Variants in KSR2 observed in about 807,000 individuals in gnomAD.
KSR2 encodes the protein kinase suppressor of ras 2.
In KSR2, 25 loss-of-function variants were observed where a neutral mutation model predicts 107.8. That is an observed-to-expected ratio of 0.23 (90% CI 0.17 to 0.32). The LOEUF (loss-of-function observed/expected upper bound fraction) is 0.32, where lower values mean the gene tolerates loss of function less well. Ranked by LOEUF, KSR2 falls within the 10% of genes least tolerant of loss-of-function variation. The pLI, the probability that KSR2 is intolerant of heterozygous loss-of-function variation, is 1.00. For synonymous variants in KSR2, 480 were observed against 507.0 expected, an observed-to-expected ratio of 0.95 and a Z score of 0.71; for missense variants, 887 against 1,268.9, an observed-to-expected ratio of 0.70 and a Z score of 4.57.
chr12:117,518,796 T>C (rs909817158), intron 14 of KSR2, among the ~76,000 whole-genome samples: 1 of 152,210 alleles, frequency 6.6e-6, no homozygotes, highest in Admixed American at 6.5e-5. Context: ...GCAGTACCTC[T>C]ACCTGAACTG....
intron 4 of KSR2, among the ~76,000 whole-genome samples, chr12:117,683,293 G>A (rs1885445032): frequency 6.6e-6 from 1 of 151,880 alleles, no homozygotes; most frequent in African/African-American, 2.4e-5. Flanking sequence ...AGAAAACAGA[G>A]AAACAGACAT....
chr12:117,770,688 G>A (rs1261523874), intron 3 of KSR2, among the ~76,000 whole-genome samples: 4 of 151,930 alleles, frequency 2.6e-5, no homozygotes, highest in Non-Finnish European at 5.9e-5. Context: ...ACAGTTATCG[G>A]TCGGGCGCGG....
intron 19 of KSR2, 53 bp from the exon 20 acceptor site, chr12:117,467,258 A>G: frequency 2.9e-6 from 2 of 687,184 alleles, no homozygotes; most frequent in Non-Finnish European, 2.6e-6. Flanking sequence ...GGACATGATG[A>G]TGTCATCCGT....
chr12:117,748,848 C>A (rs1888508737), intron 4 of KSR2, among the ~76,000 whole-genome samples: 1 of 151,952 alleles, frequency 6.6e-6, no homozygotes, highest in Admixed American at 6.6e-5. Context: ...GAGAGGTGAT[C>A]CTAGCAGCAG....
chr12:117,510,813 G>A (rs1873977389), intron 14 of KSR2, among the ~76,000 whole-genome samples: 1 of 151,170 alleles, frequency 6.6e-6, no homozygotes, highest in South Asian at 2.1e-4. Context: ...GGCAGGTGGA[G>A]GTTGCAGTGA....
At chr12:117,735,107 G>C (rs1432191495) in intron 4 of KSR2, among the ~76,000 whole-genome samples, 1 of 152,150 alleles carries the variant, frequency 6.6e-6, no homozygotes, top group Non-Finnish European at 1.5e-5. Context: ...CAAAGTGCCA[G>C]GCACCCGCCC....
chr12:117,515,542 G>A (rs1874313386), intron 14 of KSR2, among the ~76,000 whole-genome samples: 1 of 152,174 alleles, frequency 6.6e-6, no homozygotes, highest in Admixed American at 6.5e-5. Context: ...TATGTTCTAA[G>A]GTGGGGGAGG....
chr12:117,941,021 G>A (rs1895988998), intron 1 of KSR2, among the ~76,000 whole-genome samples: 1 of 152,092 alleles, frequency 6.6e-6, no homozygotes, highest in Non-Finnish European at 1.5e-5. Context: ...GGAGGCAGAG[G>A]TTGCAGTGAG....
intron 4 of KSR2, among the ~76,000 whole-genome samples, chr12:117,691,214 T>G (rs1885798419): frequency 6.6e-6 from 1 of 152,176 alleles, no homozygotes; most frequent in South Asian, 2.1e-4. Context: ...TTTGGACGCT[T>G]TGTTCCACAG....
intron 7 of KSR2, among the ~76,000 whole-genome samples, chr12:117,568,010 T>A (rs1186714567): frequency 6.6e-6 from 1 of 152,180 alleles, no homozygotes; most frequent in Non-Finnish European, 1.5e-5. Flanking sequence ...CTCTTTAGCC[T>A]ATAGCTAACC....
intron 5 of KSR2, among the ~76,000 whole-genome samples, chr12:117,627,169 G>T (rs1722445039): frequency 6.6e-6 from 1 of 152,126 alleles, no homozygotes; most frequent in South Asian, 2.1e-4. Flanking sequence ...GCCAGTCTGT[G>T]TCTTTTAATT....
intron 5 of KSR2, among the ~76,000 whole-genome samples, chr12:117,585,912 TAGAAAG>T (rs1879959772): frequency 6.6e-6 from 1 of 152,160 alleles, no homozygotes; most frequent in African/African-American, 2.4e-5. Context: ...TTCTAGTGCA[TAGAAAG>T]AGAAAGAGGT....
intron 7 of KSR2, among the ~76,000 whole-genome samples, chr12:117,560,334 C>T (rs1592993835): frequency 6.6e-6 from 1 of 152,096 alleles, no homozygotes; most frequent in African/African-American, 2.4e-5. Context: ...CCCAGTTTTT[C>T]TCTTGTTTGG....
intron 4 of KSR2, among the ~76,000 whole-genome samples, chr12:117,694,080 C>G (rs552679591): frequency 1.3e-5 from 2 of 152,084 alleles, no homozygotes; most frequent in East Asian, 3.9e-4. Flanking sequence ...GAAACAGGAA[C>G]CCCACTGCAT....
chr12:117,836,579 A>G (rs1405681177), intron 3 of KSR2, among the ~76,000 whole-genome samples: 3 of 152,144 alleles, frequency 2.0e-5, no homozygotes, highest in Non-Finnish European at 4.4e-5. Context: ...TCCGATAGGG[A>G]AGAGGCTGGA....
intron 1 of KSR2, among the ~76,000 whole-genome samples, chr12:117,947,221 G>T (rs1270369310): frequency 9.3e-6 from 1 of 107,832 alleles, no homozygotes; most frequent in Non-Finnish European, 1.8e-5. Context: ...AAGAAAGAAA[G>T]AAAGAAAGAA....
rs187031300 is a variant in KSR2, at chr12:117,750,801, C to T, written c.986+10210G>A. 4.6e-5 allele frequency among the ~76,000 whole-genome samples: 7 copies of T among 152,196 alleles called. No individual in the cohort carries two copies. In the East Asian group the frequency reaches 5.8e-4, roughly 13 times the overall value. ...GTGTTAGTTTGCTTAGGATAATGGC[C>T]GCCAGCTGCATCCATGTTGCCACAA... On this transcript the variant is annotated intron_variant, in intron 4 of 19. Transcript: ENST00000339824.
chr12:117,672,681 G>T (rs1017264123), intron 4 of KSR2, among the ~76,000 whole-genome samples: 1 of 152,086 alleles, frequency 6.6e-6, no homozygotes, highest in East Asian at 1.9e-4. Flanking sequence ...CTGGAGTGCA[G>T]TGGTACGATC....
intron 5 of KSR2, among the ~76,000 whole-genome samples, chr12:117,635,855 G>A (rs953757017): frequency 2.0e-5 from 3 of 151,138 alleles, no homozygotes; most frequent in Non-Finnish European, 4.4e-5. Flanking sequence ...GCAGTGGCGC[G>A]ATCTCAGCTC....
Sources: gnomAD v4.1 joint callset for allele counts (sites outside exome capture counted in the v4.1 genomes callset) on GRCh38, gnomAD v4.1.1 for gene constraint, MANE v1.5 for transcripts, NCBI Gene and HGNC (gene_info 2026-07-23, HGNC 2026-07-21) for gene names.